Variants in ZNF766 observed in about 807,000 individuals in gnomAD.
ZNF766 encodes zinc finger protein 766.
ZNF766 carries 13 observed loss-of-function variants against 13.2 expected under a neutral mutation model. That is an observed-to-expected ratio of 0.98 (90% CI 0.64 to 1.56). ZNF766 has a LOEUF of 1.56. Among genes scored for constraint, ZNF766 ranks in the 40% most tolerant of loss-of-function variants. The pLI, the probability that ZNF766 is intolerant of heterozygous loss-of-function variation, is 0.00. For synonymous variants in ZNF766, 178 were observed against 187.6 expected (o/e 0.95, Z 0.42); for missense variants, 521 against 552.2 (o/e 0.94, Z 0.57).
At chr19:52,282,403 AGGTG>A (rs906794396) in intron 2 of ZNF766, 166 bp downstream of exon 2, 9 of 707,176 alleles carry the variant, frequency 1.3e-5, no homozygotes, top group Admixed American at 3.3e-5. Context: ...TGGGAGGCTG[AGGTG>A]GGTGGATTGC....
At position 52,294,555 on chromosome 19, in the gene ZNF766, G is replaced by C. The variant is rs1285539315; in HGVS notation, c.*3357G>C. 6.6e-6 allele frequency: 1 copy of C among 152,190 alleles called. No homozygotes were observed. Among genetic ancestry groups the C allele is most frequent in the Non-Finnish European group, 1.5e-5 (1 of 68,050 alleles). 9.4% of individuals were successfully genotyped at this position (152,190 alleles called of 1,614,324 possible). A position where few individuals can be genotyped will look rare whatever the true frequency, so the allele number is the denominator to read the frequency against. On this transcript the variant is annotated 3_prime_UTR_variant, in exon 4 of 4. Transcript: ENST00000439461. Reference sequence around the variant, plus strand: ...GCTTGGGGTATGATGATTGTTAAGGGATAGGGCTTGGGCAGGGGTGCCCAC... The same window carrying C: ...GCTTGGGGTATGATGATTGTTAAGGCATAGGGCTTGGGCAGGGGTGCCCAC...
chr19:52,288,914 C>T lies in ZNF766; in HGVS notation c.275-1152C>T, dbSNP rs190539508. 4.6e-3 allele frequency among the ~76,000 whole-genome samples: 702 copies of T among 152,164 alleles called. 3 individuals carry two copies. Among genetic ancestry groups the T allele is most frequent in the Middle Eastern group, 0.014 (4 of 294 alleles). ...AGGCTGGAGTGCAGTGGCACGATCT[C>T]GGCTCACTGCAACCTCTGCCTCCCG... On this transcript the variant is annotated intron_variant, in intron 3 of 3. Coordinates refer to ENST00000439461, the MANE Select transcript of ZNF766 (RefSeq NM_001010851.3).
intron 3 of ZNF766, chr19:52,287,992 C>G: frequency 2.4e-6 from 1 of 422,882 alleles, no homozygotes. Context: ...TTTATTTTTT[C>G]TTTCTGCTAT....
chr19:52,276,343 G>A (rs558387819), intron 1 of ZNF766, among the ~76,000 whole-genome samples: 2 of 152,120 alleles, frequency 1.3e-5, no homozygotes, highest in South Asian at 2.1e-4. Context: ...TTGTTTTCTT[G>A]TATTATTTTT....
intron 1 of ZNF766, among the ~76,000 whole-genome samples, chr19:52,275,353 CAT>C (rs1981143140): frequency 6.6e-6 from 1 of 152,102 alleles, no homozygotes; most frequent in Non-Finnish European, 1.5e-5. Context: ...AGCTGTACAA[CAT>C]GTTTGTGTTT....
Position 52,269,641 on chromosome 19 carries a change from C to T in ZNF766, c.18+10C>T. The T allele has an allele frequency of 1.2e-6, 2 of 1,612,812 alleles. No homozygotes were observed. The highest frequency in any genetic ancestry group is 1.7e-6 in the Non-Finnish European group (2 of 1,179,630). On this transcript the variant is annotated intron_variant, in intron 1 of 3. Coordinates refer to ENST00000439461, the MANE Select transcript of ZNF766 (RefSeq NM_001010851.3). ...GGCGCAACTGCGGCGCGTGAGTTTT[C>T]CTTTGTTTAGATTAAGTGTTCGCTT...
chr19:52,281,395 T>A (rs946033191), intron 1 of ZNF766: 3 of 275,124 alleles, frequency 1.1e-5, no homozygotes, highest in Non-Finnish European at 2.1e-5. Flanking sequence ...GGTGCGTGCC[T>A]GTAATGCTAG....
At chr19:52,271,158 T>G (rs1412221341) in intron 1 of ZNF766, among the ~76,000 whole-genome samples, 1 of 152,164 alleles carries the variant, frequency 6.6e-6, no homozygotes, top group Non-Finnish European at 1.5e-5. Flanking sequence ...TTACTATCAG[T>G]TATAAAGGTT....
At position 52,292,260 on chromosome 19, in the gene ZNF766, T is replaced by C; in HGVS notation, c.*1062T>C. 1.5e-6 allele frequency: 1 copy of C among 689,628 alleles called. No individual in the cohort carries two copies. Among genetic ancestry groups the C allele is most frequent in the Non-Finnish European group, 2.6e-6 (1 of 380,822 alleles). 42.7% of individuals were successfully genotyped at this position (689,628 alleles called of 1,614,324 possible). A position where few individuals can be genotyped will look rare whatever the true frequency, so the allele number is the denominator to read the frequency against. On this transcript the variant is annotated 3_prime_UTR_variant, in exon 4 of 4. Coordinates refer to ENST00000439461, the MANE Select transcript of ZNF766 (RefSeq NM_001010851.3). ...GGAATAAGGACACTGCCTTTTCAGA[T>C]TAAAGATTGTCTGATTTAGAGACCA...
intron 3 of ZNF766, chr19:52,284,918 C>A (rs920635019): frequency 6.6e-6 from 1 of 152,064 alleles, no homozygotes; most frequent in Non-Finnish European, 1.5e-5. Flanking sequence ...ACGTGTTCAG[C>A]ATGTGGAAGC....
intron 1 of ZNF766, among the ~76,000 whole-genome samples, chr19:52,272,001 A>AAAG (rs1980999997): frequency 6.7e-6 from 1 of 148,342 alleles, no homozygotes; most frequent in Admixed American, 6.7e-5. Context: ...AAAAAAAAAA[A>AAAG]GCACAGATGA....
rs1221311400 is a variant in ZNF766, at chr19:52,294,123, AC to A, written c.*2926del. 2.0e-5 allele frequency: 3 copies of A among 152,226 alleles called. No homozygotes were observed. Among genetic ancestry groups the A allele is most frequent in the African/African-American group, 7.2e-5 (3 of 41,456 alleles). The allele number at this position is 152,226 out of a possible 1,614,324, so 9.4% of individuals were successfully genotyped here. A position where few individuals can be genotyped will look rare whatever the true frequency, so the allele number is the denominator to read the frequency against. Reference sequence around the variant, plus strand: ...ATTTTCAGGAAGCGAAAATACAGATACAGTAATATGGAAAATAGGACAAAGT... The same window carrying A: ...ATTTTCAGGAAGCGAAAATACAGATAAGTAATATGGAAAATAGGACAAAGT... On this transcript the variant is annotated 3_prime_UTR_variant, in exon 4 of 4. Transcript: ENST00000439461.
Position 52,290,416 on chromosome 19 carries a change from C to G in ZNF766, c.625C>G (p.His209Asp), listed in dbSNP as rs374845597. ...SSSLPNHQVI[H>D]TADKPNRCHE... ...AAGCCTTCCTAATCATCAAGTAATC[C>G]ACACTGCAGATAAACCTAACAGATG... Residue 209 changes from histidine to aspartate, a missense_variant, in exon 4 of 4, where the codon CAC becomes GAC. Coordinates refer to ENST00000439461, the MANE Select transcript of ZNF766 (RefSeq NM_001010851.3). 1 of 1,613,744 alleles carries G rather than the reference C, an allele frequency of 6.2e-7. No individual in the cohort carries two copies. Among genetic ancestry groups the G allele is most frequent in the Admixed American group, 1.7e-5 (1 of 60,000 alleles).
intron 3 of ZNF766, among the ~76,000 whole-genome samples, chr19:52,287,167 G>A (rs1243589588): frequency 1.4e-5 from 2 of 147,240 alleles, no homozygotes; most frequent in African/African-American, 5.0e-5. Context: ...TTTTGAGACG[G>A]AGTCTCGCCC....
rs1339395465 is a variant in ZNF766, at chr19:52,295,137, TTTTAC to T, written c.*3943_*3947del. The T allele has an allele frequency of 2.0e-5, 3 of 151,904 alleles. No homozygotes were observed. Among genetic ancestry groups the T allele is most frequent in the African/African-American group, 7.3e-5 (3 of 41,374 alleles). 9.4% of individuals were successfully genotyped at this position (151,904 alleles called of 1,614,324 possible). On this transcript the variant is annotated 3_prime_UTR_variant, in exon 4 of 4. Transcript: ENST00000439461. ...TATAGACACATATATAATATTTTTT[TTTTAC>T]TTTTTTCTTTTTCTGTACATTGCAT...
rs145883445 is a variant in ZNF766 at position 52,282,294 on chromosome 19, C to T, written c.145+57C>T. On this transcript the variant is annotated intron_variant, in intron 2 of 3. Coordinates refer to ENST00000439461, the MANE Select transcript of ZNF766 (RefSeq NM_001010851.3). ...CTGCCCTTAGTATCTCTGCATTTTC[C>T]CTTGTGTGCCTCTTGGGAGCCCCTG... 3.8e-5 allele frequency: 57 copies of T among 1,519,588 alleles called. No individual in the cohort carries two copies. The African/African-American group carries it at 6.2e-4, about 16-fold the overall frequency. 94.1% of individuals were successfully genotyped at this position (1,519,588 alleles called of 1,614,324 possible). A position where few individuals can be genotyped will look rare whatever the true frequency, so the allele number is the denominator to read the frequency against.
At chr19:52,269,682 C>G in intron 1 of ZNF766, 51 bp downstream of exon 1, 1 of 1,608,706 alleles carries the variant, frequency 6.2e-7, no homozygotes, top group Non-Finnish European at 8.5e-7. Flanking sequence ...TGCCCTCACG[C>G]TTCTGTACCC....
At chr19:52,285,413 GACC>G (rs1257149679) in intron 3 of ZNF766, among the ~76,000 whole-genome samples, 1 of 152,168 alleles carries the variant, frequency 6.6e-6, no homozygotes, top group African/African-American at 2.4e-5. Flanking sequence ...CCAAACTTCT[GACC>G]AACTGGCTTC....
chr19:52,281,508 G>A (rs565999050), intron 1 of ZNF766: 298 of 288,518 alleles, frequency 1.0e-3, no homozygotes, highest in Non-Finnish European at 1.6e-3. Flanking sequence ...GACAGACTGA[G>A]ACTCTGTCAA....
Sources: allele counts gnomAD v4.1 joint callset (sites outside exome capture counted in the v4.1 genomes callset), GRCh38; gene constraint gnomAD v4.1.1; transcripts MANE v1.5; gene names NCBI Gene and HGNC (gene_info 2026-07-23, HGNC 2026-07-21).